SIPA1L2: variants seen among roughly 807,000 people sequenced by gnomAD.
SIPA1L2 encodes signal-induced proliferation-associated 1-like protein 2.
SIPA1L2 carries 56 observed loss-of-function variants against 163.9 expected under a neutral mutation model. The observed-to-expected ratio is 0.34, with a 90% CI of 0.28 to 0.43. The LOEUF is 0.43. Ranked by LOEUF, SIPA1L2 falls within the 20% of genes least tolerant of loss-of-function variation. The pLI is 1.00. For synonymous variants in SIPA1L2, 877 were observed against 865.7 expected (o/e 1.01, Z -0.23); for missense variants, 1,974 against 2,193.5 (o/e 0.90, Z 2.00).
intron 3 of SIPA1L2, among the ~76,000 whole-genome samples, chr1:232,501,050 A>ATTTTTTTTTT (rs60008360): frequency 0.011 from 889 of 78,410 alleles, 129 homozygotes; most frequent in East Asian, 0.037. Context: ...GCAATGAAGT[A>ATTTTTTTTTT]TTTTTTTTTT....
At chr1:232,581,627 GT>G in intron 1 of SIPA1L2, among the ~76,000 whole-genome samples, 1 of 152,246 alleles carries the variant, frequency 6.6e-6, no homozygotes, top group East Asian at 1.9e-4. Flanking sequence ...AGACACATCT[GT>G]TCAAAACTAT....
At chr1:232,427,191 A>G (rs957134813) in intron 17 of SIPA1L2, among the ~76,000 whole-genome samples, 1 of 152,242 alleles carries the variant, frequency 6.6e-6, no homozygotes, top group Non-Finnish European at 1.5e-5. Flanking sequence ...CCAAGCTTAT[A>G]CAGTATCATG....
At chr1:232,409,299 A>G (rs997049127) in intron 19 of SIPA1L2, among the ~76,000 whole-genome samples, 3 of 152,168 alleles carry the variant, frequency 2.0e-5, no homozygotes, top group African/African-American at 7.2e-5. Flanking sequence ...GACTTTTCAG[A>G]TATTAAAGCG....
intron 2 of SIPA1L2, among the ~76,000 whole-genome samples, chr1:232,526,322 A>T (rs781052498): frequency 4.0e-5 from 6 of 148,742 alleles, no homozygotes; most frequent in Non-Finnish European, 8.9e-5. Context: ...CTCTCATGGG[A>T]TCCCCTAACC....
intron 3 of SIPA1L2, among the ~76,000 whole-genome samples, chr1:232,495,133 G>A (rs1436093716): frequency 6.6e-6 from 1 of 152,156 alleles, no homozygotes; most frequent in African/African-American, 2.4e-5. Context: ...ACTATCCAAA[G>A]CCACTAATGA....
chr1:232,555,893 C>G (rs749126209), intron 2 of SIPA1L2, among the ~76,000 whole-genome samples: 1 of 152,180 alleles, frequency 6.6e-6, no homozygotes, highest in Non-Finnish European at 1.5e-5. Context: ...AGGGTATTAA[C>G]TGAAAAGTTG....
chr1:232,563,918 T>C (rs1384247901), intron 2 of SIPA1L2, among the ~76,000 whole-genome samples: 5 of 151,090 alleles, frequency 3.3e-5, no homozygotes, highest in Non-Finnish European at 7.4e-5. Context: ...TTTCATCATG[T>C]TGGCCAGACT....
Position 232,460,916 on chromosome 1 carries a change from G to T in SIPA1L2, c.3066C>A (p.Ile1022=). ...RTSVTVKVVI[I]QPHDDGSPRR... ...GGGGCGAGCCGTCATCATGGGGCTG[G>T]ATGATGACCACCTTCACAGTCACAG... Residue 1022 remains isoleucine (I), a synonymous_variant, in exon 10 of 23, where the codon ATC becomes ATA. Transcript: ENST00000674635. 1 of 1,614,162 alleles carries T rather than the reference G, an allele frequency of 6.2e-7. No individual in the cohort carries two copies. Among genetic ancestry groups the T allele is most frequent in the Middle Eastern group, 1.6e-4 (1 of 6,062 alleles).
intron 1 of SIPA1L2, among the ~76,000 whole-genome samples, chr1:232,616,497 C>T (rs1662504609): frequency 1.3e-5 from 2 of 152,208 alleles, no homozygotes; most frequent in African/African-American, 4.8e-5. Context: ...GCCCCTTCCA[C>T]CTCAACAAGC....
chr1:232,426,391 T>C (rs1423278042), intron 17 of SIPA1L2, among the ~76,000 whole-genome samples: 1 of 152,108 alleles, frequency 6.6e-6, no homozygotes, highest in Non-Finnish European at 1.5e-5. Context: ...CCGGGCACAG[T>C]GGCTCATGCC....
At chr1:232,539,498 T>C (rs1042628029) in intron 2 of SIPA1L2, among the ~76,000 whole-genome samples, 11 of 152,198 alleles carry the variant, frequency 7.2e-5, no homozygotes, top group Non-Finnish European at 1.5e-5. Flanking sequence ...TTCTGCATCT[T>C]TGCCTTCAAT....
At chr1:232,618,359 G>A (rs1662614387) in intron 1 of SIPA1L2, among the ~76,000 whole-genome samples, 1 of 152,028 alleles carries the variant, frequency 6.6e-6, no homozygotes, top group Non-Finnish European at 1.5e-5. Context: ...TGTCGCCTCA[G>A]TTTAAAACTC....
chr1:232,556,917 G>C (rs1024320628), intron 2 of SIPA1L2, among the ~76,000 whole-genome samples: 6 of 152,122 alleles, frequency 3.9e-5, no homozygotes, highest in African/African-American at 1.4e-4. Flanking sequence ...TTTCAGGATG[G>C]AGGCAATCCG....
intron 6 of SIPA1L2, among the ~76,000 whole-genome samples, chr1:232,480,563 C>T (rs967386135): frequency 6.6e-6 from 1 of 152,158 alleles, no homozygotes; most frequent in Non-Finnish European, 1.5e-5. Context: ...CACATTGAAA[C>T]TAACCTGCTG....
At chr1:232,432,497 G>A in intron 15 of SIPA1L2, 26 bp from the exon 16 acceptor site, 2 of 1,597,408 alleles carry the variant, frequency 1.3e-6, no homozygotes, top group Non-Finnish European at 1.7e-6. Context: ...GACAAAAGCT[G>A]CAATACAATC....
intron 18 of SIPA1L2, among the ~76,000 whole-genome samples, chr1:232,421,028 AG>A (rs1243473829): frequency 1.3e-5 from 2 of 152,250 alleles, no homozygotes; most frequent in Non-Finnish European, 2.9e-5. Context: ...TTTAGTGAGT[AG>A]AAAACAATAG....
intron 4 of SIPA1L2, among the ~76,000 whole-genome samples, chr1:232,492,055 A>C (rs1665957772): frequency 6.6e-6 from 1 of 152,218 alleles, no homozygotes; most frequent in African/African-American, 2.4e-5. Context: ...TGACTACTGA[A>C]CTGAACAGCA....
intron 2 of SIPA1L2, among the ~76,000 whole-genome samples, chr1:232,522,514 T>TC: frequency 6.6e-6 from 1 of 151,660 alleles, no homozygotes; most frequent in South Asian, 2.1e-4. Flanking sequence ...TTTTTTTTTT[T>TC]ACTCTAAGTT....
intron 1 of SIPA1L2, among the ~76,000 whole-genome samples, chr1:232,605,563 G>A (rs1364996623): frequency 2.0e-5 from 3 of 152,110 alleles, no homozygotes; most frequent in African/African-American, 7.2e-5. Context: ...GCATGGTGGC[G>A]GGTGCCTGTA....
Sources: gnomAD v4.1 joint callset for allele counts (sites outside exome capture counted in the v4.1 genomes callset) on GRCh38, gnomAD v4.1.1 for gene constraint, MANE v1.5 for transcripts, NCBI Gene and HGNC (gene_info 2026-07-23, HGNC 2026-07-21) for gene names.